CACNA1C: variants seen among roughly 807,000 people sequenced by gnomAD.
CACNA1C encodes voltage-dependent L-type calcium channel subunit alpha-1C.
A neutral mutation model predicts 229.0 loss-of-function variants in CACNA1C; 30 were observed. The ratio of observed to expected loss-of-function variants is 0.13; its 90% confidence interval spans 0.10 to 0.18. The LOEUF (loss-of-function observed/expected upper bound fraction) is 0.18. Ranked by LOEUF, CACNA1C falls within the 10% of genes least tolerant of loss-of-function variation. The pLI is 1.00. For synonymous variants in CACNA1C, 1,114 were observed against 1,132.5 expected (o/e 0.98, Z 0.33); for missense variants, 1,658 against 2,845.0 (o/e 0.58, Z 9.49).
At chr12:2,500,114 A>G (rs1247107442) in intron 7 of CACNA1C, among the ~76,000 whole-genome samples, 5 of 152,116 alleles carry the variant, frequency 3.3e-5, no homozygotes, top group Non-Finnish European at 7.4e-5. Flanking sequence ...GTCCGTCTCC[A>G]TCTCTCATCT....
At chr12:2,552,916 TCAAGA>T (rs2042098010) in intron 10 of CACNA1C, among the ~76,000 whole-genome samples, 3 of 152,118 alleles carry the variant, frequency 2.0e-5, no homozygotes, top group South Asian at 4.2e-4. Context: ...AGGGCAAACT[TCAAGA>T]CAAGGAAGAA....
intron 3 of CACNA1C, among the ~76,000 whole-genome samples, chr12:2,294,227 G>A (rs1218839480): frequency 2.0e-5 from 3 of 152,208 alleles, no homozygotes; most frequent in Non-Finnish European, 4.4e-5. Flanking sequence ...CGGGGAGGAT[G>A]TATTTGAGCT....
intron 46 of CACNA1C, 81 bp downstream of exon 46, chr12:2,688,860 C>A: frequency 8.7e-7 from 1 of 1,152,140 alleles, no homozygotes; most frequent in African/African-American, 1.6e-5. Context: ...AAGGGAGCAC[C>A]TGGCTCTTGC....
intron 1 of CACNA1C, among the ~76,000 whole-genome samples, chr12:2,110,816 A>G (rs538685395): frequency 6.6e-6 from 1 of 152,214 alleles, no homozygotes; most frequent in Non-Finnish European, 1.5e-5. Context: ...TGTATTAGAC[A>G]GTGTTGCTAC....
At chr12:2,686,895 G>A (rs542695294) in intron 45 of CACNA1C, among the ~76,000 whole-genome samples, 1 of 152,106 alleles carries the variant, frequency 6.6e-6, no homozygotes, top group Non-Finnish European at 1.5e-5. Flanking sequence ...ATTAACCCCA[G>A]GCAAACTGAG....
In CACNA1C at chr12:2,691,150, C is replaced by T. The variant is rs970305864; in HGVS notation, c.6368C>T (p.Pro2123Leu). 1.2e-6 allele frequency: 2 copies of T among 1,605,890 alleles called. No individual in the cohort carries two copies. Among genetic ancestry groups the T allele is most frequent in the South Asian group, 1.1e-5 (1 of 90,746 alleles). The change falls in exon 47 of 47, where the codon CCG becomes CTG. Residue 2123 changes from proline (P) to leucine (L), a missense_variant. Coordinates refer to ENST00000399655, the MANE Select transcript of CACNA1C (RefSeq NM_000719.7). ...DAGCVRARGRPSEEELQDSRV... is the reference protein window; with the variant it reads ...DAGCVRARGRLSEEELQDSRV... ...GGCTGTGTGCGCGCGCGGGGTCGAC[C>T]GAGTGAGGAGGAGCTCCAGGACAGC...
At chr12:2,525,378 C>G (rs928755593) in intron 9 of CACNA1C, among the ~76,000 whole-genome samples, 2 of 152,140 alleles carry the variant, frequency 1.3e-5, no homozygotes, top group African/African-American at 2.4e-5. Context: ...CTGGCAGGCC[C>G]TGAACACCTA....
At chr12:2,188,142 A>G (rs2097101073) in intron 3 of CACNA1C, among the ~76,000 whole-genome samples, 2 of 152,194 alleles carry the variant, frequency 1.3e-5, no homozygotes, top group Admixed American at 6.5e-5. Context: ...TATCTTCCCC[A>G]TGGTCTCTTA....
chr12:2,024,257 A>G (rs1739629186), intron 1 of CACNA1C, among the ~76,000 whole-genome samples: 1 of 152,238 alleles, frequency 6.6e-6, no homozygotes, highest in Non-Finnish European at 1.5e-5. Context: ...ACTTCCACGT[A>G]TGGCCCAGGA....
chr12:2,359,935 G>A (rs1044033013), intron 3 of CACNA1C, among the ~76,000 whole-genome samples: 5 of 152,116 alleles, frequency 3.3e-5, no homozygotes, highest in Non-Finnish European at 5.9e-5. Flanking sequence ...CTTCCCAGAC[G>A]AGAGCAGCAC....
intron 3 of CACNA1C, among the ~76,000 whole-genome samples, chr12:2,300,467 A>G (rs1331715284): frequency 6.6e-6 from 1 of 152,066 alleles, no homozygotes; most frequent in Admixed American, 6.6e-5. Flanking sequence ...CTAAAAATAA[A>G]AAAAAAAAAT....
At chr12:2,210,030 G>C (rs1034154798) in intron 3 of CACNA1C, among the ~76,000 whole-genome samples, 2 of 152,198 alleles carry the variant, frequency 1.3e-5, no homozygotes, top group Non-Finnish European at 2.9e-5. Flanking sequence ...GAGAGAAAGA[G>C]ATGCTTATCC....
At chr12:1,972,792 AG>A (rs1351187028) in intron 1 of CACNA1C, among the ~76,000 whole-genome samples, 3 of 152,130 alleles carry the variant, frequency 2.0e-5, no homozygotes, top group Non-Finnish European at 4.4e-5. Flanking sequence ...AAGGAAAAAA[AG>A]AAGGATGGAA....
intron 3 of CACNA1C, among the ~76,000 whole-genome samples, chr12:2,143,889 A>G (rs532132883): frequency 1.1e-4 from 17 of 148,338 alleles, no homozygotes; most frequent in African/African-American, 2.5e-4. Flanking sequence ...TCGATTTGCT[A>G]TTTCCTCTCT....
At chr12:2,137,933 C>T (rs774759064) in intron 3 of CACNA1C, among the ~76,000 whole-genome samples, 5 of 151,444 alleles carry the variant, frequency 3.3e-5, no homozygotes, top group African/African-American at 4.8e-5. Flanking sequence ...GCCGACACAT[C>T]GCCTCACACA....
At chr12:2,396,876 C>T (rs987923739) in intron 3 of CACNA1C, among the ~76,000 whole-genome samples, 4 of 152,282 alleles carry the variant, frequency 2.6e-5, no homozygotes, top group Non-Finnish European at 5.9e-5. Flanking sequence ...AATCTGGTCA[C>T]TTGGAGTCCA....
At chr12:2,300,915 A>G (rs1355898812) in intron 3 of CACNA1C, among the ~76,000 whole-genome samples, 1 of 152,202 alleles carries the variant, frequency 6.6e-6, no homozygotes, top group Non-Finnish European at 1.5e-5. Flanking sequence ...TCCTGGGACA[A>G]GAGTGACGGC....
chr12:2,671,243 G>A (rs938428267), intron 38 of CACNA1C, among the ~76,000 whole-genome samples: 5 of 152,252 alleles, frequency 3.3e-5, no homozygotes, highest in Middle Eastern at 3.4e-3. Flanking sequence ...TCAATCTCCT[G>A]ACCTTGTGAT....
At chr12:2,125,350 G>A (rs1389974347) in intron 3 of CACNA1C, among the ~76,000 whole-genome samples, 3 of 152,126 alleles carry the variant, frequency 2.0e-5, no homozygotes, top group Non-Finnish European at 4.4e-5. Flanking sequence ...CCCTATGGAG[G>A]CCCTGAAGTA....
Sources: allele counts gnomAD v4.1 joint callset (sites outside exome capture counted in the v4.1 genomes callset), GRCh38; gene constraint gnomAD v4.1.1; transcripts MANE v1.5; gene names NCBI Gene and HGNC (gene_info 2026-07-23, HGNC 2026-07-21).